The following FOCAD variants were observed in gnomAD, a reference collection of about 807,000 sequenced individuals.
FOCAD encodes the protein KIAA1797.
A neutral mutation model predicts 225.6 loss-of-function variants in FOCAD; 198 were observed. That is an observed-to-expected ratio of 0.88 (90% CI 0.78 to 0.99). The LOEUF (loss-of-function observed/expected upper bound fraction) is 0.99. Among genes scored for constraint, FOCAD ranks in the 50% least tolerant of loss-of-function variants. The probability of loss-of-function intolerance (pLI) is 0.00; values close to 1 mark genes in which losing one functional copy is unlikely to be tolerated. For synonymous variants in FOCAD, 897 were observed against 755.0 expected, an observed-to-expected ratio of 1.19 and a Z score of -3.08; for missense variants, 2,713 against 2,123.6, an observed-to-expected ratio of 1.28 and a Z score of -5.46.
At position 20,990,215 on chromosome 9, in the gene FOCAD, G is replaced by A; in HGVS notation, c.5097G>A (p.Trp1699Ter). The stretch of plus-strand genomic sequence containing the variant: ...TCCTCCTCGGCCTCAGTGCCAGTTG[G>A]TTGCCATGGCATCAGGAGAATGGCC... Reference protein sequence around the residue: ...APLLLGLSASWLPWHQENGPA... With the variant: ...APLLLGLSAS Residue 1699 changes from tryptophan to a stop codon, truncating the protein, a stop_gained, in exon 42 of 44, where the codon TGG (tryptophan) becomes TGA (stop). Coordinates refer to ENST00000338382, the MANE Select transcript of FOCAD (RefSeq NM_001375567.1). LOFTEE classifies it high-confidence loss of function. 1 of 1,614,176 alleles carries A rather than the reference G, an allele frequency of 6.2e-7. No homozygotes were observed. The highest frequency in any genetic ancestry group is 2.2e-5 in the East Asian group (1 of 44,854).
intron 11 of FOCAD, among the ~76,000 whole-genome samples, chr9:20,818,342 T>C (rs1447585391): frequency 1.3e-5 from 2 of 152,160 alleles, no homozygotes; most frequent in Non-Finnish European, 2.9e-5. Flanking sequence ...TCACTTTCTT[T>C]ATGGTATCTT....
Position 20,885,105 on chromosome 9 carries a change from A to T in FOCAD, c.2504-4A>T. ...AAATAAAGTCTATATAATTTTTTTT[A>T]AAGGTGGTATGTTATTTTGCTATGA... On this transcript the variant is annotated splice_region_variant and splice_polypyrimidine_tract_variant and intron_variant, in intron 20 of 43. Transcript: ENST00000338382. The T allele has an allele frequency of 7.1e-7, 1 of 1,412,540 alleles. No homozygotes were observed. Among genetic ancestry groups the T allele is most frequent in the Non-Finnish European group, 9.3e-7 (1 of 1,072,364 alleles). The allele number at this position is 1,412,540 out of a possible 1,614,324, so 87.5% of individuals were successfully genotyped here.
chr9:20,845,308 G>A (rs563455677), intron 15 of FOCAD, among the ~76,000 whole-genome samples: 14 of 151,666 alleles, frequency 9.2e-5, no homozygotes, highest in Non-Finnish European at 1.3e-4. Flanking sequence ...ATAATAATTT[G>A]CCATATATAA....
At chr9:20,909,133 A>G (rs568604647) in intron 22 of FOCAD, among the ~76,000 whole-genome samples, 2 of 152,230 alleles carry the variant, frequency 1.3e-5, no homozygotes, top group Admixed American at 6.5e-5. Flanking sequence ...ATGACTTGCA[A>G]TTGATTAAAA....
At chr9:20,827,340 A>G (rs1346262418) in intron 15 of FOCAD, among the ~76,000 whole-genome samples, 1 of 151,852 alleles carries the variant, frequency 6.6e-6, no homozygotes, top group African/African-American at 2.4e-5. Context: ...CACTCAACAT[A>G]TTTTCAAGGT....
chr9:20,659,018 A>C (rs1444739425), intron 2 of FOCAD, among the ~76,000 whole-genome samples: 1 of 152,172 alleles, frequency 6.6e-6, no homozygotes, highest in African/African-American at 2.4e-5. Flanking sequence ...CAGGAGTTCT[A>C]GACCAGCCTA....
chr9:20,706,709 G>A (rs1233863627), intron 1 of FOCAD, among the ~76,000 whole-genome samples: 1 of 152,150 alleles, frequency 6.6e-6, no homozygotes, highest in African/African-American at 2.4e-5. Flanking sequence ...GATGATGTTA[G>A]GTCCATTATA....
chr9:20,813,163 G>T (rs1823271727), intron 11 of FOCAD, among the ~76,000 whole-genome samples: 1 of 151,938 alleles, frequency 6.6e-6, no homozygotes, highest in Admixed American at 6.6e-5. Flanking sequence ...TGTCCTCAAG[G>T]TTCATCTAAG....
chr9:20,781,043 A>C (rs1258240337), intron 9 of FOCAD, among the ~76,000 whole-genome samples: 1 of 152,224 alleles, frequency 6.6e-6, no homozygotes, highest in East Asian at 1.9e-4. Flanking sequence ...TCTTTTAGTA[A>C]ATCAGGGTTA....
rs1439837921 is a variant in FOCAD, at chr9:20,676,242, G to T, written c.-78+17416G>T. The stretch of plus-strand genomic sequence containing the variant: ...ATGGTGAACTTCATTTACTCTGGTG[G>T]ACTTAATGATCAATTCTGCAAACTT... On this transcript the variant is annotated intron_variant, in intron 2 of 45. Coordinates refer to the FOCAD transcript ENST00000380249. Among the ~76,000 whole-genome samples the T allele has an allele frequency of 3.3e-5, 5 of 152,136 alleles. No individual in the cohort carries two copies. The East Asian group carries it at 9.6e-4, about 29-fold the overall frequency.
At chr9:20,758,303 A>T (rs751911893) in intron 6 of FOCAD, 112 bp downstream of exon 6, 5 of 646,564 alleles carry the variant, frequency 7.7e-6, no homozygotes, top group Non-Finnish European at 1.0e-5. Flanking sequence ...GCTTTGATCT[A>T]TAATGTTTTC....
intron 5 of FOCAD, among the ~76,000 whole-genome samples, chr9:20,743,914 T>C (rs1226070559): frequency 6.6e-6 from 1 of 152,150 alleles, no homozygotes; most frequent in African/African-American, 2.4e-5. Flanking sequence ...TTTGTCTATT[T>C]GGGTGGCAAG....
At position 20,781,837 on chromosome 9, in the gene FOCAD, T is replaced by C. The variant is rs1819403811; in HGVS notation, c.1105T>C (p.Ser369Pro). 1 of 1,614,026 alleles carries C rather than the reference T, an allele frequency of 6.2e-7. No individual in the cohort carries two copies. The highest frequency in any genetic ancestry group is 1.3e-5 in the African/African-American group (1 of 74,932). ...LSSTALEDCI[S>P]VDEEGPSRQQ... is the part of the protein sequence containing the mutation. ...TTCTACTGCCTTGGAAGACTGTATA[T>C]CTGTGGATGAAGAAGGTCCCTCTAG... Residue 369 changes from serine to proline, a missense_variant, in exon 10 of 44, where the codon TCT (serine) becomes CCT (proline). Ser to Pro is a moderately conservative substitution (Grantham distance 74, BLOSUM62 -1). Coordinates refer to ENST00000338382, the MANE Select transcript of FOCAD (RefSeq NM_001375567.1).
At chr9:20,718,137 A>G (rs1222187048) in intron 3 of FOCAD, among the ~76,000 whole-genome samples, 1 of 152,168 alleles carries the variant, frequency 6.6e-6, no homozygotes, top group Non-Finnish European at 1.5e-5. Context: ...GAAAAATAAT[A>G]TGGGTGGAAT....
intron 4 of FOCAD, among the ~76,000 whole-genome samples, chr9:20,727,107 A>G (rs1586952511): frequency 6.6e-6 from 1 of 152,104 alleles, no homozygotes. Context: ...TCTGTTTCCC[A>G]TCTTGTCTTT....
At chr9:20,877,706 T>A (rs997458312) in intron 19 of FOCAD, among the ~76,000 whole-genome samples, 2 of 152,052 alleles carry the variant, frequency 1.3e-5, no homozygotes, top group Non-Finnish European at 2.9e-5. Flanking sequence ...AACCTCAAGC[T>A]CGAGACCAGC....
chr9:20,687,378 C>G (rs981860081), intron 1 of FOCAD, among the ~76,000 whole-genome samples: 2 of 152,186 alleles, frequency 1.3e-5, no homozygotes, highest in African/African-American at 2.4e-5. Context: ...ATATGTTGAA[C>G]AAATGTAATA....
intron 15 of FOCAD, among the ~76,000 whole-genome samples, chr9:20,825,335 C>G (rs777906630): frequency 6.6e-6 from 1 of 151,938 alleles, no homozygotes; most frequent in African/African-American, 2.4e-5. Flanking sequence ...GAGGTCAGCT[C>G]GCATTCTGTG....
intron 28 of FOCAD, among the ~76,000 whole-genome samples, chr9:20,939,419 G>A (rs1209349372): frequency 6.6e-6 from 1 of 152,010 alleles, no homozygotes; most frequent in Non-Finnish European, 1.5e-5. Context: ...CTTAGCTCAA[G>A]ATGTTATAAA....
Sources: allele counts gnomAD v4.1 joint callset (sites outside exome capture counted in the v4.1 genomes callset), GRCh38; gene constraint gnomAD v4.1.1; transcripts MANE v1.5; gene names NCBI Gene and HGNC (gene_info 2026-07-23, HGNC 2026-07-21).